Variants in CDON observed in about 807,000 individuals in gnomAD.
CDON encodes the protein cell adhesion molecule-related/down-regulated by oncogenes.
A neutral mutation model predicts 120.9 loss-of-function variants in CDON; 73 were observed. The observed-to-expected ratio is 0.60, with a 90% confidence interval of 0.50 to 0.73. The LOEUF (loss-of-function observed/expected upper bound fraction) is 0.73. CDON is among the 30% of genes least tolerant of loss of function. CDON has a pLI of 0.00. For missense variants in CDON, 1,470 were observed against 1,587.3 expected, an observed-to-expected ratio of 0.93 and a Z score of 1.26; for synonymous variants, 566 against 573.5, an observed-to-expected ratio of 0.99 and a Z score of 0.19.
chr11:125,991,210 T>C (rs566243974), intron 14 of CDON, among the ~76,000 whole-genome samples: 21 of 152,352 alleles, frequency 1.4e-4, no homozygotes, highest in Admixed American at 5.9e-4. Context: ...TCCATTGTTA[T>C]AGTTATTCTT....
At chr11:126,040,882 T>A (rs1407972465) in intron 1 of CDON, among the ~76,000 whole-genome samples, 1 of 123,686 alleles carries the variant, frequency 8.1e-6, no homozygotes, top group South Asian at 2.7e-4. Context: ...AAGAGCATGG[T>A]GCAGCGCTAC....
intron 18 of CDON, among the ~76,000 whole-genome samples, chr11:125,969,734 G>A (rs893735130): frequency 2.6e-5 from 4 of 152,176 alleles, no homozygotes; most frequent in African/African-American, 7.2e-5. Flanking sequence ...AGTTTACTAA[G>A]ATACCTTTTA....
At chr11:126,002,571 C>A (rs1181493231) in intron 10 of CDON, among the ~76,000 whole-genome samples, 1 of 152,176 alleles carries the variant, frequency 6.6e-6, no homozygotes, top group Non-Finnish European at 1.5e-5. Flanking sequence ...AGCCAAGCCA[C>A]GATGGCATCT....
intron 2 of CDON, among the ~76,000 whole-genome samples, chr11:126,022,138 T>C (rs1280239832): frequency 7.4e-6 from 1 of 134,638 alleles, no homozygotes; most frequent in Non-Finnish European, 1.6e-5. Flanking sequence ...AAGAAGGAAA[T>C]GGCAAACAGC....
chr11:126,063,012 G>A (rs531102158), upstream of CDON, among the ~76,000 whole-genome samples: 15 of 151,712 alleles, frequency 9.9e-5, no homozygotes, highest in Admixed American at 3.9e-4. Context: ...AGAGGCCGCT[G>A]TGCCCCGCCG....
At chr11:126,062,409 C>A (rs1948822194) in intron 1 of CDON, among the ~76,000 whole-genome samples, 170 bp downstream of exon 1, 1 of 151,554 alleles carries the variant, frequency 6.6e-6, no homozygotes, top group South Asian at 2.1e-4. Flanking sequence ...CCCCGCCGGG[C>A]AAGCATCAGC....
intron 18 of CDON, among the ~76,000 whole-genome samples, chr11:125,975,979 C>T (rs145924101): frequency 4.1e-4 from 62 of 152,190 alleles, no homozygotes; most frequent in African/African-American, 1.3e-3. Flanking sequence ...ACTGAAATCA[C>T]GCTTCTTTTT....
rs372390471 is a variant in CDON, at chr11:125,981,642, T to G, written c.2996-313A>C. 2.0e-5 allele frequency among the ~76,000 whole-genome samples: 3 copies of G among 152,188 alleles called. No homozygotes were observed. The South Asian group carries it at 6.2e-4, about 31-fold the overall frequency. On this transcript the variant is annotated intron_variant, in intron 16 of 19. Coordinates refer to ENST00000531738, the MANE Select transcript of CDON (RefSeq NM_001378964.1). ...GCTGTGAACTCTGAGTTAATTATGA[T>G]TCTGTTAACGGGAAGAAAAATCACC... is the stretch of plus-strand genomic sequence containing the variant.
At chr11:125,975,523 A>G (rs1023088604) in intron 18 of CDON, among the ~76,000 whole-genome samples, 18 of 152,228 alleles carry the variant, frequency 1.2e-4, no homozygotes, top group Non-Finnish European at 2.2e-4. Context: ...CAGTTGTCCA[A>G]TTTCAATATC....
In CDON at chr11:126,010,667, G is replaced by GT. The variant is rs767837457; in HGVS notation, c.1225dup (p.Thr409AsnfsTer32). On this transcript the variant is annotated frameshift_variant, in exon 8 of 20. Transcript: ENST00000531738. LOFTEE classifies it high-confidence loss of function. The stretch of plus-strand genomic sequence containing the variant: ...TGCAACCTTTGCACTTACTGGTGCC[G>GT]TAATTATAACTGGCTTGAATCCACC... 6.2e-7 allele frequency: 1 copy of GT among 1,613,960 alleles called. No individual in the cohort carries two copies. The highest frequency in any genetic ancestry group is 8.5e-7 in the Non-Finnish European group (1 of 1,179,866).
intron 1 of CDON, among the ~76,000 whole-genome samples, chr11:126,049,361 AAGCAAGGCCAG>A: frequency 6.6e-6 from 1 of 152,322 alleles, no homozygotes; most frequent in East Asian, 1.9e-4. Context: ...TGCTTAGGTT[AAGCAAGGCCAG>A]AGTTTTCCTT....
At chr11:126,053,755 ACT>A (rs879894448) in intron 1 of CDON, among the ~76,000 whole-genome samples, 8 of 152,052 alleles carry the variant, frequency 5.3e-5, no homozygotes, top group Non-Finnish European at 8.8e-5. Flanking sequence ...CCACTCTCAT[ACT>A]CTCATAGTCA....
chr11:126,019,596 C>A (rs769516071), intron 4 of CDON, 23 bp downstream of exon 4: 4 of 1,613,546 alleles, frequency 2.5e-6, no homozygotes, highest in Non-Finnish European at 3.4e-6. Context: ...TGTGTGCCAC[C>A]GGCTTTTCAC....
chr11:126,044,799 T>C (rs2134862200), intron 1 of CDON, among the ~76,000 whole-genome samples: 1 of 152,000 alleles, frequency 6.6e-6, no homozygotes, highest in African/African-American at 2.4e-5. Flanking sequence ...CAAAAATAAT[T>C]AGATAGAATG....
chr11:126,060,212 T>TA (rs1386667265), intron 1 of CDON, among the ~76,000 whole-genome samples: 2 of 152,188 alleles, frequency 1.3e-5, no homozygotes, highest in Non-Finnish European at 2.9e-5. Context: ...AAAAATACTG[T>TA]AAAAAAGCAA....
At chr11:126,042,905 G>A (rs1319176041) in intron 1 of CDON, among the ~76,000 whole-genome samples, 1 of 152,210 alleles carries the variant, frequency 6.6e-6, no homozygotes, top group African/African-American at 2.4e-5. Flanking sequence ...TTACAGGCGT[G>A]AGCCACCTCG....
Position 125,981,233 on chromosome 11 carries a change from T to C in CDON, c.3092A>G (p.Asn1031Ser). 8.7e-6 allele frequency: 14 copies of C among 1,614,184 alleles called. No individual in the cohort carries two copies. The highest frequency in any genetic ancestry group is 1.2e-5 in the Non-Finnish European group (14 of 1,180,036). ...TLSGASQING[N>S]VHGGFLTNGG... ...ATTGGTTAGGAAGCCTCCGTGAACA[T>C]TTCCATTTATCTGACTTGCTCCTGA... The change falls in exon 17 of 20, where the codon AAT becomes AGT. Residue 1031 changes from asparagine to serine, a missense_variant. Coordinates refer to ENST00000531738, the MANE Select transcript of CDON (RefSeq NM_001378964.1).
At chr11:125,997,076 C>T (rs1407457529) in intron 12 of CDON, 131 bp downstream of exon 12, 8 of 750,726 alleles carry the variant, frequency 1.1e-5, no homozygotes, top group Non-Finnish European at 1.9e-5. Flanking sequence ...ACTTGGGAGG[C>T]TGAGGTAAGC....
At chr11:126,045,061 C>T (rs1286613318) in intron 1 of CDON, among the ~76,000 whole-genome samples, 5 of 152,046 alleles carry the variant, frequency 3.3e-5, no homozygotes, top group Admixed American at 6.6e-5. Flanking sequence ...AGTCTTGCTC[C>T]GTCGCCCAGG....
Sources: gnomAD v4.1 joint callset for allele counts (sites outside exome capture counted in the v4.1 genomes callset) on GRCh38, gnomAD v4.1.1 for gene constraint, MANE v1.5 for transcripts, NCBI Gene and HGNC (gene_info 2026-07-23, HGNC 2026-07-21) for gene names.